Variants in PMF1 observed in about 807,000 individuals in gnomAD.
The protein encoded by PMF1 is polyamine-modulated factor 1.
Under a neutral mutation model 26.7 loss-of-function variants are expected in PMF1, and 21 were observed. The ratio of observed to expected loss-of-function variants is 0.79; its 90% CI spans 0.56 to 1.13. PMF1 has a LOEUF of 1.13. Among genes scored for constraint, PMF1 ranks in the 50% most tolerant of loss-of-function variants. The pLI is 0.00. For synonymous variants in PMF1, 105 were observed against 101.0 expected (o/e 1.04, Z -0.24); for missense variants, 266 against 254.9 (o/e 1.04, Z -0.30).
chr1:156,237,424 T>C (rs898925770), intron 4 of PMF1: 1 of 149,928 alleles, frequency 6.7e-6, no homozygotes, highest in African/African-American at 2.4e-5. Flanking sequence ...CTCTGCATCC[T>C]CACCAGCATG....
chr1:156,225,425 A>G (rs1055099455), intron 1 of PMF1: 1 of 600,190 alleles, frequency 1.7e-6, no homozygotes, highest in Non-Finnish European at 3.1e-6. Context: ...TATACCCAGT[A>G]TGTAGTCTTT....
chr1:156,222,083 C>T (rs1281102087), intron 1 of PMF1, among the ~76,000 whole-genome samples: 1 of 152,184 alleles, frequency 6.6e-6, no homozygotes, highest in African/African-American at 2.4e-5. Context: ...AGGGTTGCTT[C>T]CAGAATGAAT....
chr1:156,225,570 C>T, intron 1 of PMF1: 1 of 1,553,380 alleles, frequency 6.4e-7, no homozygotes, highest in Non-Finnish European at 8.7e-7. Flanking sequence ...TCCACTCCTT[C>T]ATTGGGACGG....
At chr1:156,214,824 A>G (rs1216514167) in intron 1 of PMF1, among the ~76,000 whole-genome samples, 2 of 151,376 alleles carry the variant, frequency 1.3e-5, no homozygotes, top group Non-Finnish European at 2.9e-5. Flanking sequence ...CTGAGATGGC[A>G]TTTCAGCTGG....
At chr1:156,228,348 C>A (rs1487557486) in intron 1 of PMF1, among the ~76,000 whole-genome samples, 1 of 135,684 alleles carries the variant, frequency 7.4e-6, no homozygotes, top group East Asian at 2.4e-4. Context: ...CAAGGGCATT[C>A]AAAACATTCC....
intron 4 of PMF1, among the ~76,000 whole-genome samples, chr1:156,237,616 T>C (rs1407320231): frequency 2.0e-5 from 3 of 147,850 alleles, no homozygotes; most frequent in African/African-American, 8.0e-5. Context: ...CCAGCTAAAT[T>C]TTGTATTTTT....
chr1:156,227,503 T>A lies in PMF1; in HGVS notation c.162-4817T>A, dbSNP rs200394733. Reference sequence around the variant, plus strand: ...TTAAAAAATTTATTTTATTTTATTTTATTTTTTTTTTGAGACAGAGTCTTG... The same window carrying A: ...TTAAAAAATTTATTTTATTTTATTTAATTTTTTTTTTGAGACAGAGTCTTG... On this transcript the variant is annotated intron_variant, in intron 1 of 4. Transcript: ENST00000368277. Among the ~76,000 whole-genome samples the A allele has an allele frequency of 3.3e-3, 210 of 63,178 alleles. 1 individual carries two copies. The highest frequency in any genetic ancestry group is 0.012 in the African/African-American group (179 of 14,968). 41.4% of individuals were successfully genotyped at this position (63,178 alleles called of 152,430 possible).
intron 2 of PMF1, 78 bp downstream of exon 2, chr1:156,232,503 C>T: frequency 7.1e-7 from 1 of 1,400,870 alleles, no homozygotes; most frequent in South Asian, 1.2e-5. Flanking sequence ...GGGCAGTGGC[C>T]CCACCCTCTA....
At chr1:156,217,110 C>G (rs1657798986) in intron 1 of PMF1, among the ~76,000 whole-genome samples, 1 of 150,934 alleles carries the variant, frequency 6.6e-6, no homozygotes, top group Non-Finnish European at 1.5e-5. Context: ...GGAGGGATAG[C>G]ATTGGGAGAT....
At chr1:156,227,643 C>A (rs1457213745) in intron 1 of PMF1, among the ~76,000 whole-genome samples, 2 of 144,104 alleles carry the variant, frequency 1.4e-5, no homozygotes, top group South Asian at 2.3e-4. Context: ...ATTACAGGTG[C>A]CTACTACCAT....
At chr1:156,228,682 C>T (rs1289990135) in intron 1 of PMF1, among the ~76,000 whole-genome samples, 1 of 152,104 alleles carries the variant, frequency 6.6e-6, no homozygotes, top group African/African-American at 2.4e-5. Flanking sequence ...GCTGAGTAGG[C>T]TGGGTGGAGG....
intron 1 of PMF1, chr1:156,220,727 G>C (rs1041197789): frequency 2.0e-5 from 3 of 151,928 alleles, no homozygotes; most frequent in Non-Finnish European, 4.4e-5. Flanking sequence ...CGTGATCTCG[G>C]CTCATGGCAA....
chr1:156,229,716 G>A lies in PMF1; in HGVS notation c.162-2604G>A, dbSNP rs564448512. On this transcript the variant is annotated intron_variant, in intron 1 of 4. Transcript: ENST00000368277. ...CTCCCGAGTAGCTGGGATTACAGGC[G>A]TGCATCACCACGCCCGGCTAATTTT... Among the ~76,000 whole-genome samples, 13 of 151,910 alleles carry A rather than the reference G, an allele frequency of 8.6e-5. No homozygotes were observed. In the South Asian group the frequency reaches 2.5e-3, roughly 29 times the overall value.
At chr1:156,224,394 C>T (rs745894664) in intron 1 of PMF1, among the ~76,000 whole-genome samples, 4 of 152,160 alleles carry the variant, frequency 2.6e-5, no homozygotes, top group Non-Finnish European at 4.4e-5. Context: ...TTGTACCTGT[C>T]GAAAGGCTAA....
intron 4 of PMF1, among the ~76,000 whole-genome samples, chr1:156,239,027 T>C (rs1659203756): frequency 6.6e-6 from 1 of 152,108 alleles, no homozygotes; most frequent in Non-Finnish European, 1.5e-5. Flanking sequence ...GTCACTCCTG[T>C]CTCTGGGTCC....
Position 156,236,436 on chromosome 1 carries a change from G to C in PMF1, c.517G>C (p.Val173Leu). Residue 173 changes from valine (V) to leucine (L), a missense_variant, in exon 4 of 5, where the codon GTG (valine) becomes CTG (leucine). Val to Leu is a conservative substitution (Grantham distance 32). Coordinates refer to ENST00000368277, the MANE Select transcript of PMF1 (RefSeq NM_007221.4). ...TGCCGTCCTGGCAGGGCGGAGGCAG[G>C]TGGAGGAGCTGCAGCTACAGGTCCA... ...ADAVLAGRRQVEELQLQVQAQ... is the reference protein window; with the variant it reads ...ADAVLAGRRQLEELQLQVQAQ... 6.2e-7 allele frequency: 1 copy of C among 1,614,092 alleles called. No homozygotes were observed. The highest frequency in any genetic ancestry group is 8.5e-7 in the Non-Finnish European group (1 of 1,179,956).
Position 156,239,847 on chromosome 1 carries a change from C to A in PMF1, c.*246C>A. On this transcript the variant is annotated 3_prime_UTR_variant, in exon 5 of 5. Transcript: ENST00000368277. The stretch of plus-strand genomic sequence containing the variant: ...TTCTTCTACCTGGATAATTCTTGGC[C>A]ATGTTCTCTCTTCTCTAGGTTCAGG... 2.0e-6 allele frequency: 1 copy of A among 493,808 alleles called. No homozygotes were observed. Among genetic ancestry groups the A allele is most frequent in the Non-Finnish European group, 3.6e-6 (1 of 277,450 alleles). 30.6% of individuals were successfully genotyped at this position (493,808 alleles called of 1,614,324 possible).
At chr1:156,233,555 T>A in intron 2 of PMF1, 73 bp from the exon 3 acceptor site, 7 of 1,470,588 alleles carry the variant, frequency 4.8e-6, no homozygotes, top group Non-Finnish European at 5.7e-6. Flanking sequence ...TACCAAGTGC[T>A]GTCAGCAGTT....
intron 1 of PMF1, among the ~76,000 whole-genome samples, chr1:156,231,474 G>T (rs1385725560): frequency 6.6e-6 from 1 of 151,742 alleles, no homozygotes; most frequent in East Asian, 1.9e-4. Flanking sequence ...AGGCTGAGGC[G>T]GGTGGATCAC....
Sources: allele counts gnomAD v4.1 joint callset (sites outside exome capture counted in the v4.1 genomes callset), GRCh38; gene constraint gnomAD v4.1.1; transcripts MANE v1.5; gene names NCBI Gene and HGNC (gene_info 2026-07-23, HGNC 2026-07-21).